The following SIRT2 variants were observed in gnomAD, a reference collection of about 807,000 sequenced individuals.
SIRT2 encodes sirtuin 2, also known as NAD-dependent protein deacetylase sirtuin-2.
SIRT2 carries 40 observed loss-of-function variants against 57.4 expected under a neutral mutation model. The ratio of observed to expected loss-of-function variants is 0.70; its 90% CI spans 0.54 to 0.91. SIRT2 has a LOEUF of 0.91. Among genes scored for constraint, SIRT2 ranks in the 40% least tolerant of loss-of-function variants. The probability of loss-of-function intolerance (pLI) is 0.00; values close to 1 mark genes in which losing one functional copy is unlikely to be tolerated. For missense variants in SIRT2, 439 were observed against 510.4 expected (o/e 0.86, Z 1.35); for synonymous variants, 161 against 195.7 (o/e 0.82, Z 1.48).
At position 38,893,804 on chromosome 19, in the gene SIRT2, C is replaced by T. The variant is rs370730737; in HGVS notation, c.112+15G>A. The T allele has an allele frequency of 1.4e-5, 22 of 1,613,804 alleles. No homozygotes were observed. In the African/African-American group the frequency reaches 1.6e-4, roughly 12 times the overall value. On this transcript the variant is annotated intron_variant, in intron 3 of 15. Transcript: ENST00000249396. ...CCCAGAACCCTGCTCCCTGTCCCTC[C>T]AGGAAGATACTCACTGTCTGCTTCT...
At chr19:38,891,525 G>A (rs141571827) in intron 4 of SIRT2, among the ~76,000 whole-genome samples, 186 of 152,052 alleles carry the variant, frequency 1.2e-3, no homozygotes, top group African/African-American at 4.3e-3. Context: ...CTCCAGCCTG[G>A]GTAACAGAGT....
intron 1 of SIRT2, 106 bp downstream of exon 1, chr19:38,899,400 G>A: frequency 1.5e-6 from 2 of 1,291,636 alleles, no homozygotes; most frequent in Non-Finnish European, 2.2e-6. Flanking sequence ...TCCCCGAAGC[G>A]CTCCCTACTT....
intron 8 of SIRT2, among the ~76,000 whole-genome samples, chr19:38,887,990 G>A (rs1304347944): frequency 6.6e-6 from 1 of 152,036 alleles, no homozygotes; most frequent in Non-Finnish European, 1.5e-5. Flanking sequence ...TCCTGACCTC[G>A]TGATCTGCCC....
chr19:38,889,542 A>AC (rs1973454742), intron 7 of SIRT2, 147 bp downstream of exon 7: 1 of 845,454 alleles, frequency 1.2e-6, no homozygotes, highest in African/African-American at 1.7e-5. Context: ...GACACGAGGA[A>AC]CCAGGACTTG....
chr19:38,879,762 C>T lies in SIRT2; in HGVS notation c.877-60G>A, dbSNP rs1973077908. ...GGGAAGGGAGAGCTAAGAGCACAGACCCTGGAGCCAGGTGGCCTGGGTTTG... is the reference window on the plus strand; with the variant it reads ...GGGAAGGGAGAGCTAAGAGCACAGATCCTGGAGCCAGGTGGCCTGGGTTTG... On this transcript the variant is annotated intron_variant, in intron 13 of 15. Transcript: ENST00000249396. The T allele has an allele frequency of 1.1e-5, 15 of 1,318,820 alleles. No homozygotes were observed. The East Asian group carries it at 3.5e-4, about 31-fold the overall frequency. The allele number at this position is 1,318,820 out of a possible 1,614,324, so 81.7% of individuals were successfully genotyped here.
chr19:38,883,489 A>G, intron 9 of SIRT2, 138 bp downstream of exon 9: 1 of 1,151,578 alleles, frequency 8.7e-7, no homozygotes, highest in Non-Finnish European at 1.2e-6. Flanking sequence ...CGACAGAGTG[A>G]GACTCTGTCT....
chr19:38,894,177 G>C lies in SIRT2; in HGVS notation c.64-310C>G, dbSNP rs1600127921. On this transcript the variant is annotated intron_variant, in intron 2 of 15. Transcript: ENST00000249396. ...ACTGGTGCAGTCACAGCTTGCTGCA[G>C]CCTCAACCTCCCAAGCTCAAGGGAT... is the stretch of plus-strand genomic sequence containing the variant. The C allele has an allele frequency of 1.2e-4, 46 of 371,012 alleles. 2 individuals carry two copies. In the East Asian group the frequency reaches 2.5e-3, roughly 20 times the overall value. The allele number at this position is 371,012 out of a possible 1,614,324, so 23.0% of individuals were successfully genotyped here. A position where few individuals can be genotyped will look rare whatever the true frequency, so the allele number is the denominator to read the frequency against.
chr19:38,880,821 T>G lies in SIRT2; in HGVS notation c.824A>C (p.Lys275Thr). The G allele has an allele frequency of 1.2e-6, 2 of 1,613,804 alleles. No homozygotes were observed. Among genetic ancestry groups the G allele is most frequent in the Non-Finnish European group, 1.7e-6 (2 of 1,179,912 alleles). ...QVQPFASLIS[K>T]APLSTPRLLI... ...CTCCCAGCCACAGCCCCCAACCTAC[T>G]TGCTGATGAGGGAGGCAAAGGGCTG... is the stretch of plus-strand genomic sequence containing the variant. The change falls in exon 12 of 16, where the codon AAG (lysine) becomes ACG (threonine). Residue 275 changes from lysine (K) to threonine (T), a missense_variant and splice_region_variant. By Grantham distance (78) the Lys-to-Thr change is moderately conservative (BLOSUM62 -1). Transcript: ENST00000249396. This position sits in a 1 kb window ranked among gnomAD's most constrained non-coding sequence, Gnocchi z 4.1.
chr19:38,881,285 C>A, intron 10 of SIRT2, 130 bp from the exon 11 acceptor site: 1 of 1,140,488 alleles, frequency 8.8e-7, no homozygotes, highest in Non-Finnish European at 1.3e-6. Context: ...GGGCACAGAC[C>A]CCATTCTCCC....
chr19:38,892,760 T>TGG (rs1401701904), intron 4 of SIRT2, among the ~76,000 whole-genome samples: 43 of 151,086 alleles, frequency 2.8e-4, no homozygotes, highest in African/African-American at 1.1e-3. Flanking sequence ...CTTGTAGAGA[T>TGG]GGCGGGGGGG....
At chr19:38,894,805 G>T (rs567190533) in intron 2 of SIRT2, 1 of 456,140 alleles carries the variant, frequency 2.2e-6, no homozygotes, top group East Asian at 7.0e-5. Flanking sequence ...GGGCCTCTCT[G>T]CTTTCTCTTT....
intron 8 of SIRT2, among the ~76,000 whole-genome samples, chr19:38,887,586 C>T (rs550587422): frequency 6.6e-6 from 1 of 152,286 alleles, no homozygotes; most frequent in African/African-American, 2.4e-5. Flanking sequence ...TGCCCTCTGC[C>T]TCCTACCAGC....
chr19:38,886,449 A>G (rs1216512692), intron 8 of SIRT2, among the ~76,000 whole-genome samples: 2 of 145,098 alleles, frequency 1.4e-5, no homozygotes, highest in Admixed American at 6.8e-5. Flanking sequence ...CTTTGACAAC[A>G]TGGTTTTTTT....
Position 38,879,441 on chromosome 19 carries a change from C to A in SIRT2, c.1007G>T (p.Gly336Val). Residue 336 changes from glycine to valine, a missense_variant, in exon 15 of 16, where the codon GGA becomes GTA. Gly to Val is a moderately radical substitution (Grantham distance 109). Transcript: ENST00000249396. Reference protein sequence around the residue: ...QGCLALAELLGWKKELEDLVR... With the variant: ...QGCLALAELLVWKKELEDLVR... ...GGTTGCTCAGCTCCTCACCTTCCAT[C>A]CAAGGAGCTCAGCAAGGGCCAGGCA... 6.3e-7 allele frequency: 1 copy of A among 1,594,830 alleles called. No individual in the cohort carries two copies. The highest frequency in any genetic ancestry group is 2.3e-5 in the East Asian group (1 of 43,994).
rs773330777 is a variant in SIRT2 at position 38,881,091 on chromosome 19, G to C, written c.747+9C>G. On this transcript the variant is annotated intron_variant, in intron 11 of 15. Transcript: ENST00000249396. ...GTTGGGGATGCGGGGAGGCTGGGGG[G>C]CCACTTACTGACTGCATACAGGAGA... is the stretch of plus-strand genomic sequence containing the variant. 6.2e-7 allele frequency: 1 copy of C among 1,612,542 alleles called. No homozygotes were observed. The highest frequency in any genetic ancestry group is 8.5e-7 in the Non-Finnish European group (1 of 1,179,456).
chr19:38,880,585 T>A lies in SIRT2; in HGVS notation c.876+100A>T. On this transcript the variant is annotated intron_variant, in intron 13 of 15. Coordinates refer to ENST00000249396, the MANE Select transcript of SIRT2 (RefSeq NM_012237.4). This position sits in a 1 kb window ranked among gnomAD's most constrained non-coding sequence, Gnocchi z 4.1. ...GAGCCCCAGGTTCTGAGCTGAGGAA[T>A]GCAAAGTGCTGGGGTTCCACAGTGG... 1 of 799,106 alleles carries A rather than the reference T, an allele frequency of 1.3e-6. No homozygotes were observed. The highest frequency in any genetic ancestry group is 2.0e-6 in the Non-Finnish European group (1 of 490,684). The allele number at this position is 799,106 out of a possible 1,614,324, so 49.5% of individuals were successfully genotyped here. A position where few individuals can be genotyped will look rare whatever the true frequency, so the allele number is the denominator to read the frequency against.
chr19:38,888,651 C>T (rs1973418422), intron 8 of SIRT2, among the ~76,000 whole-genome samples: 1 of 152,196 alleles, frequency 6.6e-6, no homozygotes, highest in Non-Finnish European at 1.5e-5. Flanking sequence ...TTCCTTAAGG[C>T]ACAACATCTA....
At position 38,880,444 on chromosome 19, in the gene SIRT2, C is replaced by G. The variant is rs902065313; in HGVS notation, c.876+241G>C. The G allele has an allele frequency of 6.5e-6, 3 of 459,802 alleles. No individual in the cohort carries two copies. The highest frequency in any genetic ancestry group is 2.0e-5 in the African/African-American group (1 of 50,234). 28.5% of individuals were successfully genotyped at this position (459,802 alleles called of 1,614,324 possible). A position where few individuals can be genotyped will look rare whatever the true frequency, so the allele number is the denominator to read the frequency against. On this transcript the variant is annotated intron_variant, in intron 13 of 15. Coordinates refer to ENST00000249396, the MANE Select transcript of SIRT2 (RefSeq NM_012237.4). This position sits in a 1 kb window ranked among gnomAD's most constrained non-coding sequence, Gnocchi z 4.1. ...CTGCACCCCCTCCCACCTCCTCAGT[C>G]CCTGGAAGCCCGGCCTTCCTATCTG...
intron 10 of SIRT2, 22 bp from the exon 11 acceptor site, chr19:38,881,177 G>T: frequency 6.2e-7 from 1 of 1,608,530 alleles, no homozygotes; most frequent in Non-Finnish European, 8.5e-7. Flanking sequence ...ACAGATGGAC[G>T]GACAGAGACA....
Sources: allele counts gnomAD v4.1 joint callset (sites outside exome capture counted in the v4.1 genomes callset), GRCh38; gene constraint gnomAD v4.1.1; non-coding constraint Gnocchi (gnomAD v3.1); transcripts MANE v1.5; gene names NCBI Gene and HGNC (gene_info 2026-07-23, HGNC 2026-07-21).